Variants in GSG1L observed in about 807,000 individuals in gnomAD.
The protein encoded by GSG1L is GSG1 like.
A neutral mutation model predicts 42.1 loss-of-function variants in GSG1L; 24 were observed. That is an observed-to-expected ratio of 0.57 (90% CI 0.41 to 0.80). GSG1L has a LOEUF of 0.80. Among genes scored for constraint, GSG1L ranks in the 30% least tolerant of loss-of-function variants. The pLI is 0.00. For synonymous variants in GSG1L, 215 were observed against 203.5 expected (o/e 1.06, Z -0.48); for missense variants, 445 against 472.2 (o/e 0.94, Z 0.53).
At chr16:27,939,901 G>C (rs376327208) in intron 2 of GSG1L, among the ~76,000 whole-genome samples, 2 of 151,814 alleles carry the variant, frequency 1.3e-5, no homozygotes, top group Non-Finnish European at 2.9e-5. Context: ...GGCTGGTCTC[G>C]AGCTCCTGGG....
Position 28,023,706 on chromosome 16 carries a change from G to A in GSG1L, c.349+39370C>T, listed in dbSNP as rs538535811. ...TCACAGGTGAAGAAACTGAGGCTCA[G>A]TGAGCTTAAGCAATTTGCCTAAGAT... On this transcript the variant is annotated intron_variant, in intron 1 of 6. Coordinates refer to ENST00000447459, the MANE Select transcript of GSG1L (RefSeq NM_001109763.2). 3.3e-5 allele frequency among the ~76,000 whole-genome samples: 5 copies of A among 152,312 alleles called. No individual in the cohort carries two copies. In the South Asian group the frequency reaches 1.0e-3, roughly 32 times the overall value.
At chr16:27,811,879 G>A (rs1369880693) in intron 5 of GSG1L, among the ~76,000 whole-genome samples, 1 of 152,142 alleles carries the variant, frequency 6.6e-6, no homozygotes, top group African/African-American at 2.4e-5. Context: ...TCAAACTCCT[G>A]ACCTCAGGTG....
chr16:27,914,299 G>A (rs1376617065), intron 2 of GSG1L, among the ~76,000 whole-genome samples: 2 of 151,898 alleles, frequency 1.3e-5, no homozygotes, highest in South Asian at 4.1e-4. Flanking sequence ...CAATATGAAT[G>A]GTTTGGCAGT....
At chr16:28,003,024 G>A (rs1171103658) in intron 1 of GSG1L, among the ~76,000 whole-genome samples, 1 of 152,210 alleles carries the variant, frequency 6.6e-6, no homozygotes, top group East Asian at 1.9e-4. Context: ...CAAAAGCCCT[G>A]GGGCAGGAAT....
intron 1 of GSG1L, among the ~76,000 whole-genome samples, chr16:28,042,360 C>T (rs551364526): frequency 2.6e-5 from 4 of 151,250 alleles, no homozygotes; most frequent in Admixed American, 2.0e-4. Flanking sequence ...TGCTTGAACC[C>T]GGGGGGCGGA....
chr16:27,825,291 A>G (rs2140962298), intron 5 of GSG1L, among the ~76,000 whole-genome samples: 1 of 152,324 alleles, frequency 6.6e-6, no homozygotes, highest in South Asian at 2.1e-4. Context: ...ACAAGACGGC[A>G]TAGGTCTTCT....
chr16:27,826,214 T>C (rs576746996), intron 5 of GSG1L, among the ~76,000 whole-genome samples: 15 of 152,188 alleles, frequency 9.9e-5, no homozygotes, highest in African/African-American at 3.6e-4. Flanking sequence ...CTGATGTGGC[T>C]GGGGAAAGAC....
intron 3 of GSG1L, among the ~76,000 whole-genome samples, chr16:27,853,167 G>A (rs965226442): frequency 8.5e-5 from 13 of 152,188 alleles, no homozygotes; most frequent in Admixed American, 7.2e-4. Context: ...TTATCTGAAC[G>A]TATCTAAAAT....
chr16:27,811,680 G>A (rs958677435), intron 5 of GSG1L, among the ~76,000 whole-genome samples: 4 of 152,124 alleles, frequency 2.6e-5, no homozygotes, highest in African/African-American at 4.8e-5. Flanking sequence ...ACGGAGTCTC[G>A]CTCTGTCGCC....
intron 5 of GSG1L, among the ~76,000 whole-genome samples, chr16:27,827,856 T>TTCCATCCATCCATCCA (rs72231743): frequency 3.1e-5 from 4 of 128,274 alleles, no homozygotes; most frequent in African/African-American, 1.3e-4. Flanking sequence ...CCACTCACCA[T>TTCCATCCATCCATCCA]TCCATCCATC....
intron 6 of GSG1L, among the ~76,000 whole-genome samples, chr16:27,803,067 C>G (rs2082901578): frequency 6.6e-6 from 1 of 152,052 alleles, no homozygotes; most frequent in Admixed American, 6.5e-5. Flanking sequence ...CACAAACTGA[C>G]CCCTCCCCAT....
intron 2 of GSG1L, among the ~76,000 whole-genome samples, chr16:27,918,031 G>A (rs1157583405): frequency 6.6e-6 from 1 of 152,132 alleles, no homozygotes; most frequent in African/African-American, 2.4e-5. Flanking sequence ...TCAGCTTTCA[G>A]GGCCACAGGA....
chr16:27,814,173 A>C (rs549647242), intron 5 of GSG1L, among the ~76,000 whole-genome samples: 300 of 152,208 alleles, frequency 2.0e-3, no homozygotes, highest in African/African-American at 6.7e-3. Flanking sequence ...GTGCAGTGGC[A>C]CAATCATATC....
At chr16:28,012,583 A>AC (rs1214911017) in intron 1 of GSG1L, among the ~76,000 whole-genome samples, 1 of 67,744 alleles carries the variant, frequency 1.5e-5, no homozygotes, top group African/African-American at 3.0e-5. Context: ...GAAATTTTAT[A>AC]CAAAAAAAAA....
intron 1 of GSG1L, among the ~76,000 whole-genome samples, chr16:28,008,702 G>T (rs2085674155): frequency 6.6e-6 from 1 of 152,214 alleles, no homozygotes; most frequent in Non-Finnish European, 1.5e-5. Context: ...ACGGTGGCCG[G>T]CAGGGCCCTA....
chr16:27,879,042 G>A (rs1448234468), intron 3 of GSG1L, among the ~76,000 whole-genome samples: 1 of 152,108 alleles, frequency 6.6e-6, no homozygotes, highest in African/African-American at 2.4e-5. Context: ...ATCAAGGCTG[G>A]GGGGTTTTTG....
chr16:27,949,380 C>T (rs1305303548), intron 2 of GSG1L, among the ~76,000 whole-genome samples: 7 of 152,062 alleles, frequency 4.6e-5, no homozygotes, highest in Admixed American at 4.6e-4. Flanking sequence ...GTATGGGAGG[C>T]GGGTATGGCA....
Position 27,828,853 on chromosome 16 carries a change from C to G in GSG1L, c.766G>C (p.Glu256Gln). 1 of 1,614,206 alleles carries G rather than the reference C, an allele frequency of 6.2e-7. No individual in the cohort carries two copies. The highest frequency in any genetic ancestry group is 8.5e-7 in the Non-Finnish European group (1 of 1,180,036). The change falls in exon 5 of 7, where the codon GAG (glutamate) becomes CAG (glutamine). Residue 256 changes from glutamate to glutamine, a missense_variant. Physicochemically the swap from Glu to Gln is conservative, Grantham distance 29 (BLOSUM62 2). This residue lies in a region of GSG1L where 140 missense variants were observed against 120.6 expected (regional missense o/e 1.16). Transcript: ENST00000447459. The part of the protein sequence containing the change: ...IEFRHKRKVF[E>Q]QGYREEPTFI... ...GTCGGCTCTTCCCGGTAGCCCTGCT[C>G]AAAGACCTTGCGCTTGTGCCGGAAC...
At chr16:27,843,446 C>G (rs2083410069) in intron 4 of GSG1L, among the ~76,000 whole-genome samples, 1 of 142,206 alleles carries the variant, frequency 7.0e-6, no homozygotes, top group Non-Finnish European at 1.5e-5. Flanking sequence ...GCTGGTATTG[C>G]TACAATTTTA....
Sources: gnomAD v4.1 joint callset for allele counts (sites outside exome capture counted in the v4.1 genomes callset) on GRCh38, gnomAD v4.1.1 for gene constraint, gnomAD v4.1.1 regional missense constraint, MANE v1.5 for transcripts, NCBI Gene and HGNC (gene_info 2026-07-23, HGNC 2026-07-21) for gene names.